NRDC: variants seen among roughly 807,000 people sequenced by gnomAD.
NRDC encodes nardilysin convertase, also known as nardilysin.
Under a neutral mutation model 147.1 loss-of-function variants are expected in NRDC, and 54 were observed. The observed-to-expected ratio is 0.37, with a 90% CI of 0.29 to 0.46. NRDC has a LOEUF of 0.46. NRDC is among the 20% of genes least tolerant of loss of function. NRDC has a pLI of 1.00. For missense variants in NRDC, 1,082 were observed against 1,370.6 expected, an observed-to-expected ratio of 0.79 and a Z score of 3.33; for synonymous variants, 440 against 482.1, an observed-to-expected ratio of 0.91 and a Z score of 1.14.
chr1:51,850,163 C>T (rs1193903663), intron 1 of NRDC, among the ~76,000 whole-genome samples: 3 of 151,294 alleles, frequency 2.0e-5, no homozygotes, highest in Non-Finnish European at 4.4e-5. Flanking sequence ...GGCAACAGAG[C>T]GAGACTCTAT....
chr1:51,841,474 A>AT (rs1681263497), intron 1 of NRDC, among the ~76,000 whole-genome samples: 1 of 151,832 alleles, frequency 6.6e-6, no homozygotes, highest in African/African-American at 2.4e-5. Context: ...TACCTGGCTA[A>AT]TTTTTGTATT....
intron 4 of NRDC, among the ~76,000 whole-genome samples, chr1:51,828,121 T>G (rs2149213597): frequency 6.6e-6 from 1 of 152,336 alleles, no homozygotes; most frequent in Non-Finnish European, 1.5e-5. Flanking sequence ...TACACCTGAG[T>G]GGCCCACCCA....
chr1:51,837,655 C>T (rs750120139), intron 2 of NRDC: 14 of 1,458,462 alleles, frequency 9.6e-6, no homozygotes, highest in Non-Finnish European at 1.2e-5. Flanking sequence ...AATTTTCTAC[C>T]TAAAAAATTC....
chr1:51,825,211 C>T, intron 6 of NRDC, 76 bp downstream of exon 6: 1 of 1,017,242 alleles, frequency 9.8e-7, no homozygotes, highest in South Asian at 1.4e-5. Context: ...TTATAATTTT[C>T]AATTCTTTAT....
chr1:51,803,753 C>T, intron 20 of NRDC, 61 bp downstream of exon 20: 1 of 1,378,260 alleles, frequency 7.3e-7, no homozygotes, highest in Non-Finnish European at 1.0e-6. Flanking sequence ...CATGCACAAA[C>T]CTCTAAATAA....
intron 19 of NRDC, 83 bp from the exon 20 acceptor site, chr1:51,804,047 G>A (rs1326256650): frequency 8.2e-7 from 1 of 1,212,760 alleles, no homozygotes; most frequent in Non-Finnish European, 1.1e-6. Flanking sequence ...AGAGTAAGCA[G>A]CTTCATTTTT....
chr1:51,854,166 G>C (rs938451251), intron 1 of NRDC, among the ~76,000 whole-genome samples: 3 of 151,992 alleles, frequency 2.0e-5, no homozygotes, highest in Non-Finnish European at 4.4e-5. Flanking sequence ...TCAGGAGTTT[G>C]AGACCAGCCT....
At chr1:51,833,874 C>A (rs1680827017) in intron 4 of NRDC, 143 bp downstream of exon 4, 4 of 710,648 alleles carry the variant, frequency 5.6e-6, no homozygotes, top group South Asian at 4.6e-5. Context: ...CTCAGCCTCC[C>A]AAAGTACTTG....
intron 2 of NRDC, chr1:51,836,543 T>C: frequency 2.2e-6 from 2 of 912,904 alleles, no homozygotes; most frequent in East Asian, 2.6e-5. Context: ...AACCAAGTTT[T>C]TTCCCTGAAT....
rs183212659 is a variant in NRDC at position 51,797,148 on chromosome 1, C to T, written c.2604+1101G>A. On this transcript the variant is annotated intron_variant, in intron 22 of 30. Coordinates refer to ENST00000352171, the MANE Select transcript of NRDC (RefSeq NM_001101662.2). ...CGAAGAGGTGGAGGTTGCAGTTGGG[C>T]CAAGATCACGCCACTGGACTCCAGC... Among the ~76,000 whole-genome samples, 264 of 151,934 alleles carry T rather than the reference C, an allele frequency of 1.7e-3. 3 individuals carry two copies. Among genetic ancestry groups the T allele is most frequent in the Non-Finnish European group, 2.3e-3 (158 of 67,954 alleles).
intron 1 of NRDC, among the ~76,000 whole-genome samples, chr1:51,851,113 T>C (rs6676789): frequency 0.51 from 77,430 of 151,878 alleles, 21,000 homozygotes; most frequent in East Asian, 0.94. Context: ...TGGCAGGCAA[T>C]CAGACACCGT....
chr1:51,836,478 G>C (rs777200813), intron 2 of NRDC: 11 of 1,557,136 alleles, frequency 7.1e-6, no homozygotes, highest in Non-Finnish European at 9.7e-6. Flanking sequence ...AAAAAGGGAA[G>C]AGGGACTGGA....
intron 1 of NRDC, among the ~76,000 whole-genome samples, chr1:51,854,133 G>A (rs538606146): frequency 1.3e-5 from 2 of 152,254 alleles, no homozygotes; most frequent in South Asian, 4.2e-4. Flanking sequence ...ACTTTGGGAG[G>A]CCGAGGCGGG....
At chr1:51,789,922 A>G (rs1678509491) in intron 29 of NRDC, 1 of 449,352 alleles carries the variant, frequency 2.2e-6, no homozygotes, top group Non-Finnish European at 4.0e-6. Flanking sequence ...TGAGCCCAAC[A>G]CCCACATCCC....
At position 51,809,325 on chromosome 1, in the gene NRDC, G is replaced by A. The variant is rs1679608241; in HGVS notation, c.1980C>T (p.Asn660=). 3.7e-6 allele frequency: 6 copies of A among 1,612,714 alleles called. No homozygotes were observed. The highest frequency in any genetic ancestry group is 4.2e-6 in the Non-Finnish European group (5 of 1,178,822). ...TGCTATTTTACTGACCTATGTACTT[G>A]TTTTCAGCTGGAAGATGAAGATCTG... is the stretch of plus-strand genomic sequence containing the variant. The part of the protein sequence containing the change: ...LNPDLHLPAE[N]KYIATDFTLK... The change falls in exon 17 of 31, where the codon AAC becomes AAT. Residue 660 remains asparagine (N), a synonymous_variant. Coordinates refer to ENST00000352171, the MANE Select transcript of NRDC (RefSeq NM_001101662.2).
intron 17 of NRDC, 50 bp downstream of exon 17, chr1:51,809,265 G>A (rs1005478343): frequency 2.7e-6 from 3 of 1,095,052 alleles, no homozygotes; most frequent in Admixed American, 3.4e-5. Context: ...CTATACAGGT[G>A]CCTATTAGCA....
At chr1:51,796,426 G>A (rs1678915601) in intron 22 of NRDC, among the ~76,000 whole-genome samples, 1 of 151,606 alleles carries the variant, frequency 6.6e-6, no homozygotes, top group Non-Finnish European at 1.5e-5. Flanking sequence ...TTTTAATAGA[G>A]ACAGGTTTTC....
At chr1:51,842,151 T>G (rs1381166061) in intron 1 of NRDC, among the ~76,000 whole-genome samples, 1 of 151,230 alleles carries the variant, frequency 6.6e-6, no homozygotes, top group Non-Finnish European at 1.5e-5. Flanking sequence ...CCAGTCTGGG[T>G]GAAAAATGAG....
At chr1:51,793,293 G>A (rs1557895790) in intron 24 of NRDC, among the ~76,000 whole-genome samples, 6 of 152,150 alleles carry the variant, frequency 3.9e-5, no homozygotes, top group Non-Finnish European at 1.5e-5. Context: ...CTCCTGTACC[G>A]GGGTTGTAAG....
Sources: gnomAD v4.1 joint callset for allele counts (sites outside exome capture counted in the v4.1 genomes callset) on GRCh38, gnomAD v4.1.1 for gene constraint, MANE v1.5 for transcripts, NCBI Gene and HGNC (gene_info 2026-07-23, HGNC 2026-07-21) for gene names.